The following ZNF107 variants were observed in gnomAD, a reference collection of about 807,000 sequenced individuals.
ZNF107 encodes zinc finger protein 107.
Under a neutral mutation model 12.3 loss-of-function variants are expected in ZNF107, and 19 were observed. The ratio of observed to expected loss-of-function variants is 1.55; its 90% CI spans 1.08 to 2.27. The LOEUF (loss-of-function observed/expected upper bound fraction) is 2.27, where lower values mean the gene tolerates loss of function less well. ZNF107 is among the 30% of genes most tolerant of loss of function. The pLI, the probability that ZNF107 is intolerant of heterozygous loss-of-function variation, is 0.00. For missense variants in ZNF107, 958 were observed against 979.9 expected (o/e 0.98, Z 0.30); for synonymous variants, 317 against 330.5 (o/e 0.96, Z 0.44).
Position 64,706,353 on chromosome 7 carries a change from T to C in ZNF107, c.256T>C (p.Trp86Arg), listed in dbSNP as rs1447750954. The C allele has an allele frequency of 1.9e-6, 3 of 1,577,810 alleles. No individual in the cohort carries two copies. Among genetic ancestry groups the C allele is most frequent in the Non-Finnish European group, 1.7e-6 (2 of 1,161,642 alleles). The part of the protein sequence containing the change: ...VMSFHFAQDL[W>R]PEQNIKDSFQ... ...GTCTTTTCATTTTGCCCAAGACCTT[T>C]GGCCAGAGCAGAACATAAAAGATTC... Residue 86 changes from tryptophan (W) to arginine (R), a missense_variant, in exon 4 of 4, where the codon TGG becomes CGG. By Grantham distance (101) the Trp-to-Arg change is moderately radical. Transcript: ENST00000620827.
intron 3 of ZNF107, among the ~76,000 whole-genome samples, chr7:64,694,135 A>G (rs1261541650): frequency 6.6e-6 from 1 of 152,240 alleles, no homozygotes; most frequent in Non-Finnish European, 1.5e-5. Context: ...ACTGTGGATC[A>G]GGGAGCTGGA....
At position 64,691,481 on chromosome 7, in the gene ZNF107, G is replaced by C. The variant is rs1256978436; in HGVS notation, c.130+107G>C. The C allele has an allele frequency of 4.8e-6, 5 of 1,040,382 alleles. No homozygotes were observed. In the Admixed American group the frequency reaches 1.4e-4, roughly 29 times the overall value. The allele number at this position is 1,040,382 out of a possible 1,614,324, so 64.4% of individuals were successfully genotyped here. On this transcript the variant is annotated intron_variant, in intron 2 of 3. Coordinates refer to ENST00000620827, the MANE Select transcript of ZNF107 (RefSeq NM_001282359.2). ...TTATGCTTTGCATAAATGAGTTTCAGATCTCTGTTTTCAAGAAAATCCTTG... is the reference window on the plus strand; with the variant it reads ...TTATGCTTTGCATAAATGAGTTTCACATCTCTGTTTTCAAGAAAATCCTTG...
Position 64,708,225 on chromosome 7 carries a change from T to A in ZNF107, c.2128T>A (p.Cys710Ser), listed in dbSNP as rs759995297. Reference protein sequence around the residue: ...TGEKPYQCAECGKAFNCSSTL... With the variant: ...TGEKPYQCAESGKAFNCSSTL... ...AGAGAAACCTTACCAATGTGCAGAA[T>A]GTGGCAAAGCCTTTAACTGCTCCTC... The change falls in exon 4 of 4, where the codon TGT becomes AGT. Residue 710 changes from cysteine to serine, a missense_variant. By Grantham distance (112) the Cys-to-Ser change is moderately radical. Transcript: ENST00000620827. 7 of 1,613,542 alleles carry A rather than the reference T, an allele frequency of 4.3e-6. No homozygotes were observed. In the Admixed American group the frequency reaches 1.0e-4, roughly 23 times the overall value.
intron 3 of ZNF107, among the ~76,000 whole-genome samples, chr7:64,702,218 G>T (rs1289385414): frequency 6.6e-6 from 1 of 151,308 alleles, no homozygotes; most frequent in Non-Finnish European, 1.5e-5. Flanking sequence ...GCATGATCTC[G>T]GCTCACTGCA....
In ZNF107 at chr7:64,706,584, T is replaced by C. The variant is rs751934960; in HGVS notation, c.487T>C (p.Tyr163His). The change falls in exon 4 of 4, where the codon TAT becomes CAT. Residue 163 changes from tyrosine to histidine, a missense_variant. Physicochemically the swap from Tyr to His is moderately conservative, Grantham distance 83. Transcript: ENST00000620827. ...TGATAAATTTTCAAATTCAAATAGA[T>C]ATAAGAGAAGACATACAGGAAACAA... Reference protein sequence around the residue: ...VFDKFSNSNRYKRRHTGNKHF... With the variant: ...VFDKFSNSNRHKRRHTGNKHF... 6.2e-7 allele frequency: 1 copy of C among 1,611,272 alleles called. No individual in the cohort carries two copies. The highest frequency in any genetic ancestry group is 1.3e-5 in the African/African-American group (1 of 74,758).
chr7:64,691,972 T>G lies in ZNF107; in HGVS notation c.226+12T>G. The G allele has an allele frequency of 6.8e-7, 1 of 1,478,962 alleles. No individual in the cohort carries two copies. The highest frequency in any genetic ancestry group is 9.0e-7 in the Non-Finnish European group (1 of 1,107,764). 91.6% of individuals were successfully genotyped at this position (1,478,962 alleles called of 1,614,324 possible). On this transcript the variant is annotated intron_variant, in intron 3 of 3. Coordinates refer to ENST00000620827, the MANE Select transcript of ZNF107 (RefSeq NM_001282359.2). ...AGCCAAACCCCCAGGTAGGTGAGAG[T>G]GAAAGTGAATACAACAGATGACAAA...
intron 1 of ZNF107, among the ~76,000 whole-genome samples, chr7:64,681,268 C>T (rs1031770030): frequency 2.0e-5 from 3 of 152,074 alleles, no homozygotes; most frequent in Admixed American, 2.0e-4. Context: ...ACTCACTCCA[C>T]CCTGCCCTCC....
Position 64,709,766 on chromosome 7 carries a change from C to T in ZNF107, c.*1110C>T, listed in dbSNP as rs116570690. On this transcript the variant is annotated 3_prime_UTR_variant, in exon 4 of 4. Transcript: ENST00000620827. Reference sequence around the variant, plus strand: ...TTTACTCAACATTAGAGAGTTAGTACGTAATAAAAGCATTATAAATGCAAT... The same window carrying T: ...TTTACTCAACATTAGAGAGTTAGTATGTAATAAAAGCATTATAAATGCAAT... 2.4e-4 allele frequency: 108 copies of T among 453,260 alleles called. No individual in the cohort carries two copies. The highest frequency in any genetic ancestry group is 1.8e-3 in the African/African-American group (91 of 49,942). 28.1% of individuals were successfully genotyped at this position (453,260 alleles called of 1,614,324 possible). A position where few individuals can be genotyped will look rare whatever the true frequency, so the allele number is the denominator to read the frequency against.
chr7:64,704,103 T>C (rs1030701497), intron 3 of ZNF107, among the ~76,000 whole-genome samples: 1 of 151,286 alleles, frequency 6.6e-6, no homozygotes, highest in South Asian at 2.1e-4. Flanking sequence ...TATATATTTA[T>C]ATGTTGTATA....
intron 3 of ZNF107, among the ~76,000 whole-genome samples, 175 bp downstream of exon 3, chr7:64,692,135 T>C (rs559727741): frequency 6.6e-6 from 1 of 152,336 alleles, no homozygotes; most frequent in Admixed American, 6.5e-5. Context: ...TGTCTTATGC[T>C]TTTAAATTCT....
At chr7:64,700,506 C>CATT (rs368830901) in intron 3 of ZNF107, among the ~76,000 whole-genome samples, 1 of 66,226 alleles carries the variant, frequency 1.5e-5, no homozygotes, top group African/African-American at 6.2e-5. Context: ...CCAAATAAAC[C>CATT]TTTTTTTTTT....
At chr7:64,705,413 G>A (rs1395524285) in intron 3 of ZNF107, among the ~76,000 whole-genome samples, 4 of 151,872 alleles carry the variant, frequency 2.6e-5, no homozygotes, top group African/African-American at 9.7e-5. Context: ...CACTCATGGA[G>A]TGTTATTCAA....
chr7:64,676,376 C>CT (rs1326048218), intron 1 of ZNF107, among the ~76,000 whole-genome samples: 2 of 152,080 alleles, frequency 1.3e-5, no homozygotes, highest in Non-Finnish European at 2.9e-5. Context: ...AGTTTTGTAG[C>CT]TGTCTATTAG....
At chr7:64,701,045 A>T (rs1026734287) in intron 3 of ZNF107, among the ~76,000 whole-genome samples, 1 of 152,138 alleles carries the variant, frequency 6.6e-6, no homozygotes, top group Non-Finnish European at 1.5e-5. Flanking sequence ...TTGAAGCCCT[A>T]TTGTTATATA....
At chr7:64,687,054 C>G (rs1274251288) in intron 1 of ZNF107, 1 of 985,326 alleles carries the variant, frequency 1.0e-6, no homozygotes, top group African/African-American at 1.7e-5. Flanking sequence ...GTTTTTCTGG[C>G]TGACTTGTTC....
At chr7:64,673,824 C>T (rs1044266117) in intron 1 of ZNF107, among the ~76,000 whole-genome samples, 9 of 152,274 alleles carry the variant, frequency 5.9e-5, no homozygotes, top group South Asian at 2.1e-4. Context: ...TTATTAAATA[C>T]GGAATTCTTC....
chr7:64,697,848 C>T (rs995938141), intron 3 of ZNF107, among the ~76,000 whole-genome samples: 42 of 152,158 alleles, frequency 2.8e-4, no homozygotes, highest in African/African-American at 8.7e-4. Flanking sequence ...CCCGCCACCA[C>T]GCCCGGCTAA....
At chr7:64,687,276 C>T (rs773341218) in intron 1 of ZNF107, 18 of 985,796 alleles carry the variant, frequency 1.8e-5, no homozygotes, top group Non-Finnish European at 2.0e-5. Context: ...GCTGGAAATC[C>T]AGCAGAGTGA....
chr7:64,667,516 C>T (rs1789049035), intron 1 of ZNF107, among the ~76,000 whole-genome samples: 1 of 152,208 alleles, frequency 6.6e-6, no homozygotes, highest in South Asian at 2.1e-4. Flanking sequence ...CCTTTGGAAA[C>T]TTTACAGGGT....
Sources: gnomAD v4.1 joint callset for allele counts (sites outside exome capture counted in the v4.1 genomes callset) on GRCh38, gnomAD v4.1.1 for gene constraint, MANE v1.5 for transcripts, NCBI Gene and HGNC (gene_info 2026-07-23, HGNC 2026-07-21) for gene names.